PCED1A: variants seen among roughly 807,000 people sequenced by gnomAD.
PCED1A encodes PC-esterase domain-containing protein 1A.
Under a neutral mutation model 41.9 loss-of-function variants are expected in PCED1A, and 20 were observed. The observed-to-expected ratio is 0.48, with a 90% CI of 0.34 to 0.69. The LOEUF (loss-of-function observed/expected upper bound fraction) is 0.69, where lower values mean the gene tolerates loss of function less well. Among genes scored for constraint, PCED1A ranks in the 30% least tolerant of loss-of-function variants. The probability of loss-of-function intolerance (pLI) is 0.01; values close to 1 mark genes in which losing one functional copy is unlikely to be tolerated. For missense variants in PCED1A, 498 were observed against 602.1 expected (o/e 0.83, Z 1.81); for synonymous variants, 236 against 241.3 (o/e 0.98, Z 0.20).
At position 2,839,891 on chromosome 20, in the gene PCED1A, C is replaced by A. The variant is rs1186392196; in HGVS notation, c.22G>T (p.Glu8Ter). Residue 8 changes from glutamate to a stop codon, truncating the protein, a stop_gained, in exon 2 of 8, where the codon GAG becomes TAG. Transcript: ENST00000360652. LOFTEE classifies it high-confidence loss of function. MVFCLSS[E>*]EPRRPLRSDM... Reference sequence around the variant, plus strand: ...CTTCGCAGCGGGCGGCGCGGCTCCTCGCTCGACAGACAGAAGACCATGCCG... The same window carrying A: ...CTTCGCAGCGGGCGGCGCGGCTCCTAGCTCGACAGACAGAAGACCATGCCG... 2 of 1,613,460 alleles carry A rather than the reference C, an allele frequency of 1.2e-6. No individual in the cohort carries two copies.
In PCED1A at chr20:2,835,534, G is replaced by C; in HGVS notation, c.1293C>G (p.His431Gln). The C allele has an allele frequency of 6.2e-7, 1 of 1,614,138 alleles. No individual in the cohort carries two copies. Among genetic ancestry groups the C allele is most frequent in the Non-Finnish European group, 8.5e-7 (1 of 1,180,010 alleles). ...MGGPCRQRLR[H>Q]SERLIHTYKL... ...TGTATGTGTGGATCAGTCTCTCTGAGTGTCTGAGCCGCTGCCTGCAGGGCC... is the reference window on the plus strand; with the variant it reads ...TGTATGTGTGGATCAGTCTCTCTGACTGTCTGAGCCGCTGCCTGCAGGGCC... The change falls in exon 8 of 8, where the codon CAC (histidine) becomes CAG (glutamine). Residue 431 changes from histidine to glutamine, a missense_variant. Transcript: ENST00000360652.
upstream of PCED1A, chr20:2,840,706 A>G: frequency 2.0e-6 from 3 of 1,506,756 alleles, no homozygotes; most frequent in African/African-American, 1.4e-5. Flanking sequence ...CGGAAGCGGA[A>G]GTGCCGGCCT....
At position 2,839,044 on chromosome 20, in the gene PCED1A, C is replaced by T; in HGVS notation, c.243G>A (p.Gly81=). 6 of 1,613,508 alleles carry T rather than the reference C, an allele frequency of 3.7e-6. No individual in the cohort carries two copies. The highest frequency in any genetic ancestry group is 5.1e-6 in the Non-Finnish European group (6 of 1,179,932). The part of the protein sequence containing the change: ...LSFEQDQLVA[G]GQLGELHNGT... ...CGTTGTGCAGCTCGCCCAGCTGGCC[C>T]CCAGCCACCAGCTGGTCCTGTTCAA... Residue 81 remains glycine, a synonymous_variant, in exon 4 of 8, where the codon GGG becomes GGA. Coordinates refer to ENST00000360652, the MANE Select transcript of PCED1A (RefSeq NM_022760.6).
At position 2,838,212 on chromosome 20, in the gene PCED1A, C is replaced by A; in HGVS notation, c.841+20G>T. The A allele has an allele frequency of 6.2e-7, 1 of 1,613,670 alleles. No individual in the cohort carries two copies. The highest frequency in any genetic ancestry group is 8.5e-7 in the Non-Finnish European group (1 of 1,179,944). On this transcript the variant is annotated intron_variant, in intron 6 of 7. Transcript: ENST00000360652. The surrounding 1 kb of genome is among the most constrained non-coding windows in gnomAD (Gnocchi z 5.8). Reference sequence around the variant, plus strand: ...AGGGCCCCAGTGCATCACTACCCCCCCACTTATGGTAGGGCTCACCAGGGG... The same window carrying A: ...AGGGCCCCAGTGCATCACTACCCCCACACTTATGGTAGGGCTCACCAGGGG...
chr20:2,840,788 C>G (rs199981800), upstream of PCED1A: 1 of 1,548,444 alleles, frequency 6.5e-7, no homozygotes, highest in South Asian at 1.2e-5. Context: ...GACTGCTACA[C>G]GGCGAACTGG....
Position 2,835,628 on chromosome 20 carries a change from C to G in PCED1A, c.1199G>C (p.Gly400Ala), listed in dbSNP as rs764581749. The G allele has an allele frequency of 6.2e-7, 1 of 1,610,584 alleles. No homozygotes were observed. Among genetic ancestry groups the G allele is most frequent in the Non-Finnish European group, 8.5e-7 (1 of 1,177,378 alleles). The change falls in exon 8 of 8, where the codon GGC (glycine) becomes GCC (alanine). Residue 400 changes from glycine (G) to alanine (A), a missense_variant. By Grantham distance (60) the Gly-to-Ala change is moderately conservative. Transcript: ENST00000360652. ...PGPNPHGQHW[G>A]PVVHRGMPRY... ...TGGCATCCCCCGGTGGACCACTGGGCCCCAGTGCTGACCATGGGGATTAGG... is the reference window on the plus strand; with the variant it reads ...TGGCATCCCCCGGTGGACCACTGGGGCCCAGTGCTGACCATGGGGATTAGG...
At position 2,839,185 on chromosome 20, in the gene PCED1A, C is replaced by T; in HGVS notation, c.204+7G>A. Reference sequence around the variant, plus strand: ...CACCACTGACATGGCCACCAAGCTTCCCTCACCTTGGCTTTCAGCTGGGCA... The same window carrying T: ...CACCACTGACATGGCCACCAAGCTTTCCTCACCTTGGCTTTCAGCTGGGCA... On this transcript the variant is annotated splice_region_variant and intron_variant, in intron 3 of 7. Transcript: ENST00000360652. 1 of 1,611,408 alleles carries T rather than the reference C, an allele frequency of 6.2e-7. No homozygotes were observed. Among genetic ancestry groups the T allele is most frequent in the Non-Finnish European group, 8.5e-7 (1 of 1,179,620 alleles).
At position 2,839,085 on chromosome 20, in the gene PCED1A, A is replaced by ATGG; in HGVS notation, c.205-4_205-3insCCA. ...TCCTGTTCAAAGCTCAGCTCCCCCT[A>ATGG]CCCACCCCCCCCACCCTACTGGTCA... is the stretch of plus-strand genomic sequence containing the variant. On this transcript the variant is annotated splice_region_variant and splice_polypyrimidine_tract_variant and intron_variant, in intron 3 of 7. Coordinates refer to ENST00000360652, the MANE Select transcript of PCED1A (RefSeq NM_022760.6). 4.1e-6 allele frequency: 2 copies of ATGG among 491,392 alleles called. No individual in the cohort carries two copies. The highest frequency in any genetic ancestry group is 7.0e-6 in the Non-Finnish European group (2 of 287,586). 30.4% of individuals were successfully genotyped at this position (491,392 alleles called of 1,614,324 possible). A position where few individuals can be genotyped will look rare whatever the true frequency, so the allele number is the denominator to read the frequency against.
rs2037927332 is a variant in PCED1A, at chr20:2,838,077, C to T, written c.841+155G>A. Among the ~76,000 whole-genome samples, 1 of 152,196 alleles carries T rather than the reference C, an allele frequency of 6.6e-6. No individual in the cohort carries two copies. The highest frequency in any genetic ancestry group is 6.5e-5 in the Admixed American group (1 of 15,276). On this transcript the variant is annotated intron_variant, in intron 6 of 7. Coordinates refer to ENST00000360652, the MANE Select transcript of PCED1A (RefSeq NM_022760.6). The surrounding 1 kb of genome is among the most constrained non-coding windows in gnomAD (Gnocchi z 5.8). Reference sequence around the variant, plus strand: ...AAGAATATTGCTCCGATGATCTAACCCTCCTCAGGGGTTGAGGAAGGTGCA... The same window carrying T: ...AAGAATATTGCTCCGATGATCTAACTCTCCTCAGGGGTTGAGGAAGGTGCA...
chr20:2,839,278 G>A lies in PCED1A; in HGVS notation c.125-7C>T, dbSNP rs752921118. ...TTGTACACAGCCCTCTGAACTGGGA[G>A]GAGACAGAGATCCCAAGGCTGAGGC... On this transcript the variant is annotated splice_polypyrimidine_tract_variant and splice_region_variant and intron_variant, in intron 2 of 7. Transcript: ENST00000360652. 7 of 1,613,382 alleles carry A rather than the reference G, an allele frequency of 4.3e-6. No individual in the cohort carries two copies. The South Asian group carries it at 6.6e-5, about 15-fold the overall frequency.
rs2146627660 is a variant in PCED1A at position 2,840,330 on chromosome 20, T to C, written c.-141A>G. On this transcript the variant is annotated 5_prime_UTR_variant, in exon 1 of 8. Coordinates refer to ENST00000360652, the MANE Select transcript of PCED1A (RefSeq NM_022760.6). ...TCCCGCGCCCCAGTCGGCCAGTCGG[T>C]TCTGCAAAGCTCCCGCCCCGCAGAG... 6 of 260,710 alleles carry C rather than the reference T, an allele frequency of 2.3e-5. No homozygotes were observed. In the South Asian group the frequency reaches 3.2e-4, roughly 14 times the overall value. The allele number at this position is 260,710 out of a possible 1,614,324, so 16.1% of individuals were successfully genotyped here.
Position 2,835,667 on chromosome 20 carries a change from G to A in PCED1A, c.1160C>T (p.Pro387Leu). The change falls in exon 8 of 8, where the codon CCT (proline) becomes CTT (leucine). Residue 387 changes from proline to leucine, a missense_variant. By Grantham distance (98) the Pro-to-Leu change is moderately conservative. This residue lies in a region of PCED1A where 245 missense variants were observed against 232.4 expected (regional missense o/e 1.05). Transcript: ENST00000360652. ...GVNFVPGPLP[P>L]PIPGPNPHGQ... ...ATGGGGATTAGGGCCAGGGATTGGA[G>A]GTGGCAGAGGGCCAGGCACAAAGTT... The A allele has an allele frequency of 1.3e-6, 2 of 1,585,704 alleles. No homozygotes were observed. Among genetic ancestry groups the A allele is most frequent in the Non-Finnish European group, 1.7e-6 (2 of 1,160,958 alleles).
chr20:2,840,948 C>T, upstream of PCED1A: 5 of 975,346 alleles, frequency 5.1e-6, no homozygotes, highest in Non-Finnish European at 7.4e-6. Flanking sequence ...CGCCGGCTCT[C>T]CCCGAGCGTC....
chr20:2,840,766 G>C, upstream of PCED1A: 1 of 1,548,096 alleles, frequency 6.5e-7, no homozygotes, highest in Non-Finnish European at 8.7e-7. Flanking sequence ...GCTGCCGTCT[G>C]CACCAGCCAT....
chr20:2,839,641 G>T, intron 2 of PCED1A, 148 bp downstream of exon 2: 2 of 1,167,660 alleles, frequency 1.7e-6, no homozygotes, highest in Non-Finnish European at 2.4e-6. Flanking sequence ...TCCTGTGGAA[G>T]ATGTGTGGGA....
At chr20:2,836,354 A>G (rs1255614045) in intron 6 of PCED1A, 40 bp from the exon 7 acceptor site, 2 of 1,567,966 alleles carry the variant, frequency 1.3e-6, no homozygotes, top group Non-Finnish European at 1.8e-6. Flanking sequence ...CTTGGGAGCC[A>G]GGCTGCCCTG....
At chr20:2,839,412 G>A (rs1034929740) in intron 2 of PCED1A, 141 bp from the exon 3 acceptor site, 27 of 784,138 alleles carry the variant, frequency 3.4e-5, no homozygotes, top group Non-Finnish European at 4.9e-5. Context: ...AAAAGATGAG[G>A]TTAAAAAGTC....
intron 1 of PCED1A, 64 bp downstream of exon 1, chr20:2,840,147 C>A (rs2088931793): frequency 4.7e-6 from 2 of 421,834 alleles, no homozygotes; most frequent in Non-Finnish European, 8.3e-6. Flanking sequence ...CGCGGCGCCG[C>A]CCTGCGCCTC....
rs145871094 is a variant in PCED1A at position 2,837,178 on chromosome 20, G to T, written c.842-864C>A. ...CAACCTTCAGGGCATCCCATCATTT[G>T]CTGGGGATCAATTATTACATCTAAA... On this transcript the variant is annotated intron_variant, in intron 6 of 7. Transcript: ENST00000360652. Among the ~76,000 whole-genome samples the T allele has an allele frequency of 3.1e-3, 479 of 152,252 alleles. 4 individuals are homozygous for T. The highest frequency in any genetic ancestry group is 0.011 in the African/African-American group (458 of 41,534).
Sources: gnomAD v4.1 joint callset for allele counts (sites outside exome capture counted in the v4.1 genomes callset) on GRCh38, gnomAD v4.1.1 for gene constraint, gnomAD v4.1.1 regional missense constraint, Gnocchi (gnomAD v3.1) non-coding constraint, MANE v1.5 for transcripts, NCBI Gene and HGNC (gene_info 2026-07-23, HGNC 2026-07-21) for gene names.